Variants in FAF1 observed in about 807,000 individuals in gnomAD.
FAF1 encodes Fas associated factor 1.
FAF1 carries 25 observed loss-of-function variants against 92.5 expected under a neutral mutation model. That is an observed-to-expected ratio of 0.27 (90% CI 0.20 to 0.38). The LOEUF (loss-of-function observed/expected upper bound fraction) is 0.38. Among genes scored for constraint, FAF1 ranks in the 10% least tolerant of loss-of-function variants. The pLI is 1.00. For synonymous variants in FAF1, 234 were observed against 273.2 expected (o/e 0.86, Z 1.42); for missense variants, 636 against 793.3 (o/e 0.80, Z 2.38).
intron 18 of FAF1, among the ~76,000 whole-genome samples, chr1:50,457,291 G>T (rs1378879736): frequency 6.6e-6 from 1 of 152,150 alleles, no homozygotes; most frequent in African/African-American, 2.4e-5. Flanking sequence ...TTTTGGTGAA[G>T]TAGGCTGGGG....
chr1:50,488,060 A>G (rs1646787785), intron 17 of FAF1, among the ~76,000 whole-genome samples: 1 of 152,234 alleles, frequency 6.6e-6, no homozygotes, highest in South Asian at 2.1e-4. Context: ...GGACTAAATG[A>G]AAATAAACCA....
intron 7 of FAF1, among the ~76,000 whole-genome samples, chr1:50,695,782 G>A (rs574176218): frequency 1.2e-4 from 19 of 152,198 alleles, no homozygotes; most frequent in African/African-American, 4.1e-4. Context: ...CTGAGTAGCT[G>A]GGATTACAGG....
intron 4 of FAF1, among the ~76,000 whole-genome samples, chr1:50,779,795 GA>G (rs990488082): frequency 6.6e-5 from 10 of 151,752 alleles, no homozygotes; most frequent in Non-Finnish European, 1.0e-4. Context: ...TTAAAAATTA[GA>G]AAAGAGCTGG....
chr1:50,952,307 G>A (rs151319106), intron 1 of FAF1, among the ~76,000 whole-genome samples: 1,985 of 152,312 alleles, frequency 0.013, 43 homozygotes, highest in African/African-American at 0.044. Flanking sequence ...ACGGGTTTTC[G>A]CCGTGTTGGC....
chr1:50,459,610 T>C (rs961517896), intron 18 of FAF1, among the ~76,000 whole-genome samples: 8 of 152,224 alleles, frequency 5.3e-5, no homozygotes, highest in African/African-American at 1.9e-4. Flanking sequence ...CCACTGATCC[T>C]TCCTTCTTCC....
intron 2 of FAF1, among the ~76,000 whole-genome samples, chr1:50,847,401 A>G (rs1378953818): frequency 6.6e-6 from 1 of 151,612 alleles, no homozygotes; most frequent in Non-Finnish European, 1.5e-5. Context: ...GCAAAAAAAG[A>G]TAAACTATGC....
intron 13 of FAF1, among the ~76,000 whole-genome samples, chr1:50,560,573 A>G (rs1308113838): frequency 1.3e-5 from 2 of 152,246 alleles, no homozygotes; most frequent in African/African-American, 4.8e-5. Flanking sequence ...GCTTAGAAAT[A>G]GTGTGCAATG....
chr1:50,915,277 C>T (rs1326398699), intron 1 of FAF1, among the ~76,000 whole-genome samples: 2 of 150,426 alleles, frequency 1.3e-5, no homozygotes, highest in Non-Finnish European at 3.0e-5. Flanking sequence ...GGCTGAGGCA[C>T]GAGAATCGCT....
chr1:50,782,899 T>C (rs1220306154), intron 4 of FAF1, among the ~76,000 whole-genome samples: 1 of 152,108 alleles, frequency 6.6e-6, no homozygotes, highest in Non-Finnish European at 1.5e-5. Context: ...ACTCCATTCA[T>C]AGTAAGCATC....
At chr1:50,878,555 C>A (rs977218242) in intron 1 of FAF1, among the ~76,000 whole-genome samples, 2 of 152,160 alleles carry the variant, frequency 1.3e-5, no homozygotes, top group African/African-American at 2.4e-5. Context: ...GGAATTGAGG[C>A]CACAGAAAAC....
chr1:50,669,450 T>G (rs1655772389), intron 7 of FAF1, among the ~76,000 whole-genome samples: 1 of 152,214 alleles, frequency 6.6e-6, no homozygotes, highest in South Asian at 2.1e-4. Flanking sequence ...GGCATTACTT[T>G]GACTGTATTG....
intron 6 of FAF1, among the ~76,000 whole-genome samples, chr1:50,707,254 T>C (rs953528145): frequency 6.6e-6 from 1 of 151,852 alleles, no homozygotes; most frequent in Non-Finnish European, 1.5e-5. Context: ...CCCTATTGTC[T>C]TCCATAGCGT....
intron 18 of FAF1, among the ~76,000 whole-genome samples, chr1:50,465,401 A>G (rs1166728228): frequency 3.9e-5 from 6 of 152,214 alleles, no homozygotes; most frequent in East Asian, 1.9e-4. Context: ...GGGGAACTCA[A>G]TAAGTAGAAG....
At chr1:50,895,504 T>G (rs1644751198) in intron 1 of FAF1, among the ~76,000 whole-genome samples, 1 of 152,088 alleles carries the variant, frequency 6.6e-6, no homozygotes, top group African/African-American at 2.4e-5. Flanking sequence ...AGGAGAATAC[T>G]TACAAACTCA....
intron 4 of FAF1, among the ~76,000 whole-genome samples, chr1:50,762,721 A>G (rs1660379258): frequency 6.6e-6 from 1 of 152,136 alleles, no homozygotes; most frequent in Non-Finnish European, 1.5e-5. Context: ...TGTTAGACCT[A>G]AAACCATAAA....
chr1:50,951,102 C>T (rs1372049571), intron 1 of FAF1, among the ~76,000 whole-genome samples: 1 of 152,184 alleles, frequency 6.6e-6, no homozygotes, highest in African/African-American at 2.4e-5. Context: ...GATGTGGTGG[C>T]ACACGCCTGT....
At chr1:50,927,426 C>G (rs1437461657) in intron 1 of FAF1, among the ~76,000 whole-genome samples, 2 of 151,916 alleles carry the variant, frequency 1.3e-5, no homozygotes, top group African/African-American at 4.8e-5. Context: ...ACTAAAATGA[C>G]AAAAAATGAG....
intron 1 of FAF1, among the ~76,000 whole-genome samples, chr1:50,937,420 C>A (rs1162971653): frequency 6.6e-6 from 1 of 151,764 alleles, no homozygotes; most frequent in Middle Eastern, 3.2e-3. Context: ...TGGGGCGGGG[C>A]GCAGATTCTG....
At chr1:50,808,583 G>C (rs1179273320) in intron 2 of FAF1, among the ~76,000 whole-genome samples, 2 of 149,194 alleles carry the variant, frequency 1.3e-5, no homozygotes, top group Non-Finnish European at 3.0e-5. Flanking sequence ...AATCTACCAA[G>C]CAAACAAAAA....
Sources: gnomAD v4.1 joint callset for allele counts (sites outside exome capture counted in the v4.1 genomes callset) on GRCh38, gnomAD v4.1.1 for gene constraint, MANE v1.5 for transcripts, NCBI Gene and HGNC (gene_info 2026-07-23, HGNC 2026-07-21) for gene names.